The following MAN2A1 variants were observed in gnomAD, a reference collection of about 807,000 sequenced individuals.
MAN2A1 encodes mannosidase alpha class 2A member 1, also known as alpha-mannosidase 2.
In MAN2A1, 76 loss-of-function variants were observed where a neutral mutation model predicts 142.6. The ratio of observed to expected loss-of-function variants is 0.53; its 90% CI spans 0.44 to 0.65. The LOEUF (loss-of-function observed/expected upper bound fraction) is 0.65, where lower values mean the gene tolerates loss of function less well. Ranked by LOEUF, MAN2A1 falls within the 30% of genes least tolerant of loss-of-function variation. MAN2A1 has a pLI of 0.00. For missense variants in MAN2A1, 1,311 were observed against 1,365.1 expected, an observed-to-expected ratio of 0.96 and a Z score of 0.62; for synonymous variants, 559 against 473.2, an observed-to-expected ratio of 1.18 and a Z score of -2.35.
Position 109,759,952 on chromosome 5 carries a change from TATATATATATATAG to T in MAN2A1, c.835+4500_835+4513del, listed in dbSNP as rs201850385. Among the ~76,000 whole-genome samples, 1,179 of 40,256 alleles carry T rather than the reference TATATATATATATAG, an allele frequency of 0.029. 9 individuals carry two copies. In the East Asian group the frequency reaches 0.3, roughly 10 times the overall value. 26.4% of individuals were successfully genotyped at this position (40,256 alleles called of 152,430 possible). A position where few individuals can be genotyped will look rare whatever the true frequency, so the allele number is the denominator to read the frequency against. ...TCTTTTTATTTGAATTGTTGCTATA[TATATATATATATAG>T]ATAGATAGATAGATAGATAGATAGA... is the stretch of plus-strand genomic sequence containing the variant. On this transcript the variant is annotated intron_variant, in intron 5 of 21. Transcript: ENST00000261483.
At chr5:109,775,999 G>A (rs1753280783) in intron 8 of MAN2A1, among the ~76,000 whole-genome samples, 1 of 151,562 alleles carries the variant, frequency 6.6e-6, no homozygotes, top group South Asian at 2.1e-4. Context: ...GATCAAATCA[G>A]GGTATTTAGG....
intron 12 of MAN2A1, among the ~76,000 whole-genome samples, chr5:109,804,519 G>A (rs1754114548): frequency 6.6e-6 from 1 of 152,010 alleles, no homozygotes; most frequent in Non-Finnish European, 1.5e-5. Context: ...TTTATCCCTT[G>A]TGACATTGTG....
rs1426593117 is a variant in MAN2A1 at position 109,755,395 on chromosome 5, A to G, written c.774A>G (p.Pro258=). ...GGWVMPDEAT[P]HYFALIDQLI... is the part of the protein sequence containing the mutation. ...GGGTTATGCCTGATGAAGCTACTCC[A>G]CATTATTTTGCCTTAATTGATCAAC... Residue 258 remains proline, a synonymous_variant, in exon 5 of 22, where the codon CCA becomes CCG. Coordinates refer to ENST00000261483, the MANE Select transcript of MAN2A1 (RefSeq NM_002372.4). 6.2e-7 allele frequency: 1 copy of G among 1,611,340 alleles called. No homozygotes were observed. The highest frequency in any genetic ancestry group is 8.5e-7 in the Non-Finnish European group (1 of 1,177,526).
intron 5 of MAN2A1, among the ~76,000 whole-genome samples, chr5:109,762,904 T>TA (rs886995197): frequency 5.9e-5 from 9 of 152,220 alleles, no homozygotes; most frequent in African/African-American, 1.7e-4. Context: ...ACATCCCATC[T>TA]AAAAAATAAT....
intron 4 of MAN2A1, among the ~76,000 whole-genome samples, chr5:109,749,844 G>T (rs1312980749): frequency 6.6e-6 from 1 of 152,002 alleles, no homozygotes; most frequent in Non-Finnish European, 1.5e-5. Flanking sequence ...TGAATGGAAA[G>T]ACTTGGAAGT....
chr5:109,787,145 T>C (rs1482464639), intron 10 of MAN2A1, among the ~76,000 whole-genome samples: 1 of 152,052 alleles, frequency 6.6e-6, no homozygotes, highest in Non-Finnish European at 1.5e-5. Context: ...TAATGTGGCT[T>C]ATGTAGAAGG....
rs758700583 is a variant in MAN2A1, at chr5:109,789,493, CA to C, written c.1916del (p.Asn639IlefsTer2). 9.4e-6 allele frequency: 15 copies of C among 1,588,656 alleles called. No homozygotes were observed. Among genetic ancestry groups the C allele is most frequent in the Admixed American group, 8.7e-5 (5 of 57,386 alleles). ...ACAAAAATCACAAGATTCTCTGCCA[CA>C]AAAAAATATAATAAGGCTGAGTGCG... is the stretch of plus-strand genomic sequence containing the variant. ...LKQKSQDSLP[Q>X]KNIIRLSAEP... On this transcript the variant is annotated frameshift_variant, in exon 12 of 22. Transcript: ENST00000261483. LOFTEE classifies it high-confidence loss of function.
Position 109,700,245 on chromosome 5 carries a change from G to T in MAN2A1, c.135+9693G>T, listed in dbSNP as rs147804136. Among the ~76,000 whole-genome samples the T allele has an allele frequency of 1.4e-3, 209 of 147,896 alleles. 1 individual carries two copies. Among genetic ancestry groups the T allele is most frequent in the African/African-American group, 4.9e-3 (199 of 40,228 alleles). On this transcript the variant is annotated intron_variant, in intron 1 of 21. Transcript: ENST00000261483. ...TTATGCACCAACATTTTGGTCCCTT[G>T]TGCCTACTCAGGATTGAAAGTATGA...
intron 4 of MAN2A1, among the ~76,000 whole-genome samples, chr5:109,735,337 C>G (rs991928942): frequency 1.3e-5 from 2 of 152,176 alleles, no homozygotes; most frequent in South Asian, 2.1e-4. Context: ...ATTTTCCAGT[C>G]TGTGTCTTTT....
chr5:109,840,511 TGC>T (rs142305274), intron 16 of MAN2A1: 1 of 499,542 alleles, frequency 2.0e-6, no homozygotes, highest in African/African-American at 2.0e-5. Context: ...TACCATCTCC[TGC>T]CATAAGCTTC....
intron 16 of MAN2A1, among the ~76,000 whole-genome samples, chr5:109,829,799 G>A (rs1248463144): frequency 1.3e-5 from 2 of 152,178 alleles, no homozygotes; most frequent in African/African-American, 2.4e-5. Context: ...AATTGTATAA[G>A]CTGCTAATTG....
intron 12 of MAN2A1, among the ~76,000 whole-genome samples, chr5:109,807,984 T>C (rs1418741877): frequency 1.3e-5 from 2 of 152,224 alleles, no homozygotes; most frequent in African/African-American, 4.8e-5. Flanking sequence ...AATTTGACCA[T>C]GTTAAACCTT....
rs1754537551 is a variant in MAN2A1, at chr5:109,818,659, ATAAT to A, written c.2110-1007_2110-1004del. On this transcript the variant is annotated intron_variant, in intron 13 of 21. Coordinates refer to ENST00000261483, the MANE Select transcript of MAN2A1 (RefSeq NM_002372.4). ...TATCATAATATTGCAAAAAAAATTAATAATTAGGAAATGGCATTGTTGTAAAGCC... is the reference window on the plus strand; with the variant it reads ...TATCATAATATTGCAAAAAAAATTAATAGGAAATGGCATTGTTGTAAAGCC... 3.3e-5 allele frequency among the ~76,000 whole-genome samples: 5 copies of A among 152,210 alleles called. No individual in the cohort carries two copies. The South Asian group carries it at 6.2e-4, about 19-fold the overall frequency.
rs772428504 is a variant in MAN2A1 at position 109,819,729 on chromosome 5, G to C, written c.2170G>C (p.Ala724Pro). The C allele has an allele frequency of 1.2e-6, 2 of 1,612,254 alleles. No homozygotes were observed. Among genetic ancestry groups the C allele is most frequent in the Admixed American group, 3.3e-5 (2 of 59,726 alleles). The change falls in exon 14 of 22, where the codon GCA (alanine) becomes CCA (proline). Residue 724 changes from alanine (A) to proline (P), a missense_variant. Around this residue, in one of 3 missense-constraint regions of MAN2A1, gnomAD observed 890 missense variants for 920.5 expected, o/e 0.97. Transcript: ENST00000261483. Reference sequence around the variant, plus strand: ...GAAAGTGTATAAGATTTTGGAATCAGCAAGTTCAAATTCACATTTAGCTGA... The same window carrying C: ...GAAAGTGTATAAGATTTTGGAATCACCAAGTTCAAATTCACATTTAGCTGA... ...GLKVYKILES[A>P]SSNSHLADYV...
rs111243057 is a variant in MAN2A1, at chr5:109,818,042, G to C, written c.2109+604G>C. Among the ~76,000 whole-genome samples, 90 of 152,212 alleles carry C rather than the reference G, an allele frequency of 5.9e-4. 1 individual carries two copies. The highest frequency in any genetic ancestry group is 2.0e-3 in the African/African-American group (85 of 41,540). The stretch of plus-strand genomic sequence containing the variant: ...AGAAAGGTTAGACTTTTAAAATCTG[G>C]AATGTCATTTAAACGGCATTTCTGG... On this transcript the variant is annotated intron_variant, in intron 13 of 21. Coordinates refer to ENST00000261483, the MANE Select transcript of MAN2A1 (RefSeq NM_002372.4).
In MAN2A1 at chr5:109,710,753, C is replaced by T. The variant is rs546081962; in HGVS notation, c.136-2767C>T. On this transcript the variant is annotated intron_variant, in intron 1 of 21. Coordinates refer to ENST00000261483, the MANE Select transcript of MAN2A1 (RefSeq NM_002372.4). ...TTGCCGAGCCTGGGGTGCAATGGTGCGATCTTGGCTCACCACAACCTCCGC... is the reference window on the plus strand; with the variant it reads ...TTGCCGAGCCTGGGGTGCAATGGTGTGATCTTGGCTCACCACAACCTCCGC... Among the ~76,000 whole-genome samples, 764 of 152,038 alleles carry T rather than the reference C, an allele frequency of 5.0e-3. 7 individuals carry two copies. The highest frequency in any genetic ancestry group is 0.017 in the African/African-American group (718 of 41,482).
At chr5:109,859,652 G>A (rs1310508073) in intron 20 of MAN2A1, among the ~76,000 whole-genome samples, 1 of 152,162 alleles carries the variant, frequency 6.6e-6, no homozygotes, top group African/African-American at 2.4e-5. Flanking sequence ...TACACTACAT[G>A]CAAAAGCCTT....
rs891577655 is a variant in MAN2A1 at position 109,789,984 on chromosome 5, T to G, written c.1943+457T>G. On this transcript the variant is annotated intron_variant, in intron 12 of 21. Transcript: ENST00000261483. ...CTGTCATTTTGCTGGTGAAACAGCC[T>G]TGTTTTAGCACTATTGATTTATGCT... Among the ~76,000 whole-genome samples the G allele has an allele frequency of 5.3e-5, 8 of 152,012 alleles. No homozygotes were observed. The South Asian group carries it at 1.0e-3, about 20-fold the overall frequency.
chr5:109,763,837 T>C (rs1752919348), intron 5 of MAN2A1, among the ~76,000 whole-genome samples: 1 of 151,832 alleles, frequency 6.6e-6, no homozygotes, highest in Non-Finnish European at 1.5e-5. Context: ...AGTCTCACTC[T>C]ATCTCCCAGG....
Sources: allele counts gnomAD v4.1 joint callset (sites outside exome capture counted in the v4.1 genomes callset), GRCh38; gene constraint gnomAD v4.1.1; regional missense constraint gnomAD v4.1.1; transcripts MANE v1.5; gene names NCBI Gene and HGNC (gene_info 2026-07-23, HGNC 2026-07-21).